MACROD2: variants seen among roughly 807,000 people sequenced by gnomAD.
MACROD2 encodes mono-ADP ribosylhydrolase 2, also known as ADP-ribose glycohydrolase MACROD2.
MACROD2 carries 36 observed loss-of-function variants against 70.4 expected under a neutral mutation model. The observed-to-expected ratio is 0.51, with a 90% CI of 0.39 to 0.68. MACROD2 has a LOEUF of 0.68. Ranked by LOEUF, MACROD2 falls within the 30% of genes least tolerant of loss-of-function variation. MACROD2 has a pLI of 0.00. For synonymous variants in MACROD2, 172 were observed against 178.8 expected, an observed-to-expected ratio of 0.96 and a Z score of 0.30; for missense variants, 496 against 538.4, an observed-to-expected ratio of 0.92 and a Z score of 0.78.
chr20:15,467,832 G>A (rs1276528995), intron 7 of MACROD2, among the ~76,000 whole-genome samples: 3 of 152,200 alleles, frequency 2.0e-5, no homozygotes, highest in African/African-American at 7.2e-5. Context: ...ATAGTGGCAA[G>A]GGAGAGGAGG....
At chr20:14,409,646 TA>T in intron 3 of MACROD2, among the ~76,000 whole-genome samples, 1 of 152,104 alleles carries the variant, frequency 6.6e-6, no homozygotes, top group Non-Finnish European at 1.5e-5. Context: ...AGCTGTCCCA[TA>T]GGCAGAGTTT....
intron 3 of MACROD2, among the ~76,000 whole-genome samples, chr20:14,099,788 A>G (rs1211599750): frequency 6.6e-6 from 1 of 152,088 alleles, no homozygotes; most frequent in Non-Finnish European, 1.5e-5. Flanking sequence ...AGTGTATGAG[A>G]GTTCTTATTG....
chr20:15,681,955 G>A (rs914353504), intron 8 of MACROD2, among the ~76,000 whole-genome samples: 53 of 152,158 alleles, frequency 3.5e-4, no homozygotes, highest in African/African-American at 1.2e-3. Flanking sequence ...TAGATTGGTG[G>A]CCATTCTTCT....
intron 3 of MACROD2, among the ~76,000 whole-genome samples, chr20:14,094,601 G>A (rs1361556513): frequency 6.6e-6 from 1 of 151,934 alleles, no homozygotes; most frequent in African/African-American, 2.4e-5. Flanking sequence ...TGACACATTT[G>A]GTAGTCTCCT....
At chr20:15,729,694 A>G (rs1354885083) in intron 8 of MACROD2, among the ~76,000 whole-genome samples, 1 of 151,986 alleles carries the variant, frequency 6.6e-6, no homozygotes, top group African/African-American at 2.4e-5. Flanking sequence ...TGTTTTTTCT[A>G]AAATTCAAAT....
At chr20:14,006,484 TTTG>T (rs1283602790) in intron 2 of MACROD2, among the ~76,000 whole-genome samples, 1 of 152,214 alleles carries the variant, frequency 6.6e-6, no homozygotes, top group Admixed American at 6.5e-5. Context: ...ATGGCATATT[TTTG>T]TTGTTTTACT....
intron 3 of MACROD2, among the ~76,000 whole-genome samples, chr20:14,475,404 C>G (rs1420060165): frequency 6.6e-6 from 1 of 152,074 alleles, no homozygotes; most frequent in Admixed American, 6.6e-5. Flanking sequence ...ACCATGATTA[C>G]AGTATTAGAG....
chr20:15,905,106 G>A (rs1179901002), intron 10 of MACROD2, among the ~76,000 whole-genome samples: 1 of 152,080 alleles, frequency 6.6e-6, no homozygotes, highest in African/African-American at 2.4e-5. Context: ...TCATATTCAT[G>A]AAAATTGATT....
At chr20:14,627,145 C>T (rs999776443) in intron 4 of MACROD2, 2 of 152,238 alleles carry the variant, frequency 1.3e-5, no homozygotes, top group African/African-American at 4.8e-5. Flanking sequence ...CTAGGTGGAT[C>T]TGAGTGGCCT....
chr20:14,569,790 C>G (rs1980062835), intron 4 of MACROD2, among the ~76,000 whole-genome samples: 1 of 151,708 alleles, frequency 6.6e-6, no homozygotes, highest in South Asian at 2.1e-4. Context: ...AAGCGTAGAG[C>G]TGTGAAAGAA....
At chr20:14,262,094 T>C (rs2122316394) in intron 3 of MACROD2, among the ~76,000 whole-genome samples, 1 of 152,124 alleles carries the variant, frequency 6.6e-6, no homozygotes, top group South Asian at 2.1e-4. Context: ...AACAAGGACA[T>C]GGAGAGATAT....
chr20:15,217,370 C>T (rs1601243629), intron 5 of MACROD2, among the ~76,000 whole-genome samples: 1 of 152,120 alleles, frequency 6.6e-6, no homozygotes, highest in Non-Finnish European at 1.5e-5. Context: ...CCCCACACAA[C>T]AAACTTGACA....
rs549452813 is a variant in MACROD2 at position 15,678,255 on chromosome 20, A to C, written c.645+178408A>C. Among the ~76,000 whole-genome samples the C allele has an allele frequency of 2.0e-5, 3 of 151,966 alleles. No homozygotes were observed. The East Asian group carries it at 5.8e-4, about 30-fold the overall frequency. On this transcript the variant is annotated intron_variant, in intron 8 of 17. Coordinates refer to ENST00000684519, the MANE Select transcript of MACROD2 (RefSeq NM_001351661.2). ...GTGGCTCACATTTGTAATCCCAACA[A>C]CTCAGGAGGCTGAAGCAGGAGGATC...
intron 3 of MACROD2, among the ~76,000 whole-genome samples, chr20:14,419,373 G>T (rs1039713971): frequency 6.6e-6 from 1 of 152,054 alleles, no homozygotes; most frequent in African/African-American, 2.4e-5. Context: ...ATATATTTTT[G>T]AATATATTTA....
chr20:15,350,598 T>A (rs185679193), intron 6 of MACROD2, among the ~76,000 whole-genome samples: 28 of 152,314 alleles, frequency 1.8e-4, no homozygotes, highest in Admixed American at 1.6e-3. Context: ...TTATGCAGAG[T>A]AATTTGAATT....
chr20:14,694,728 A>G (rs544937446), intron 5 of MACROD2, among the ~76,000 whole-genome samples: 5 of 152,318 alleles, frequency 3.3e-5, no homozygotes, highest in Admixed American at 3.3e-4. Flanking sequence ...AAAATATGGA[A>G]GTCCCAGATA....
chr20:15,914,594 T>C (rs2065285356), intron 10 of MACROD2, among the ~76,000 whole-genome samples: 1 of 152,244 alleles, frequency 6.6e-6, no homozygotes, highest in African/African-American at 2.4e-5. Flanking sequence ...ACCACTACTA[T>C]GATCTGTTTC....
At chr20:15,563,025 C>T (rs2048265092) in intron 8 of MACROD2, among the ~76,000 whole-genome samples, 1 of 152,180 alleles carries the variant, frequency 6.6e-6, no homozygotes, top group African/African-American at 2.4e-5. Context: ...CCAACAGCTT[C>T]CCCTTTATTC....
intron 2 of MACROD2, among the ~76,000 whole-genome samples, chr20:14,030,171 T>C (rs1447134091): frequency 1.3e-5 from 2 of 152,130 alleles, no homozygotes; most frequent in Admixed American, 1.3e-4. Flanking sequence ...CTGGAGTAGC[T>C]AGGACTACGG....
Sources: allele counts gnomAD v4.1 joint callset (sites outside exome capture counted in the v4.1 genomes callset), GRCh38; gene constraint gnomAD v4.1.1; transcripts MANE v1.5; gene names NCBI Gene and HGNC (gene_info 2026-07-23, HGNC 2026-07-21).